ELAPOR2: variants seen among roughly 807,000 people sequenced by gnomAD.
ELAPOR2 encodes endosome/lysosome-associated apoptosis and autophagy regulator family member 2.
Under a neutral mutation model 120.7 loss-of-function variants are expected in ELAPOR2, and 89 were observed. The ratio of observed to expected loss-of-function variants is 0.74; its 90% CI spans 0.62 to 0.88. The LOEUF (loss-of-function observed/expected upper bound fraction) is 0.88. ELAPOR2 is among the 40% of genes least tolerant of loss of function. The pLI, the probability that ELAPOR2 is intolerant of heterozygous loss-of-function variation, is 0.00. For synonymous variants in ELAPOR2, 444 were observed against 444.9 expected, an observed-to-expected ratio of 1.00 and a Z score of 0.03; for missense variants, 1,134 against 1,251.6, an observed-to-expected ratio of 0.91 and a Z score of 1.42.
intron 21 of ELAPOR2, among the ~76,000 whole-genome samples, chr7:86,884,873 C>T (rs1799612525): frequency 1.3e-5 from 2 of 152,126 alleles, no homozygotes; most frequent in South Asian, 2.1e-4. Flanking sequence ...ATCTATCATG[C>T]AAATTTTAGA....
chr7:87,024,199 T>C (rs1255733490), intron 1 of ELAPOR2, among the ~76,000 whole-genome samples: 1 of 152,092 alleles, frequency 6.6e-6, no homozygotes, highest in Non-Finnish European at 1.5e-5. Context: ...TGGCTGTGAG[T>C]TTGTCGTAGA....
chr7:86,998,251 T>C (rs948896334), intron 1 of ELAPOR2, among the ~76,000 whole-genome samples: 2 of 152,190 alleles, frequency 1.3e-5, no homozygotes, highest in African/African-American at 4.8e-5. Flanking sequence ...CAAATTTATC[T>C]TATTATATTC....
intron 1 of ELAPOR2, among the ~76,000 whole-genome samples, chr7:87,034,519 A>G (rs1264008998): frequency 6.6e-6 from 1 of 152,090 alleles, no homozygotes; most frequent in Non-Finnish European, 1.5e-5. Flanking sequence ...CAAGTAAATG[A>G]TCTTAATATT....
At chr7:87,029,425 G>A (rs1794357245) in intron 1 of ELAPOR2, among the ~76,000 whole-genome samples, 2 of 152,188 alleles carry the variant, frequency 1.3e-5, no homozygotes, top group South Asian at 4.1e-4. Context: ...TTTGGTCTGT[G>A]ATTCTAACTT....
In ELAPOR2 at chr7:86,891,744, GT is replaced by G; in HGVS notation, c.3009del (p.Lys1003AsnfsTer19). On this transcript the variant is annotated frameshift_variant, in exon 21 of 22. Coordinates refer to ENST00000450689, the MANE Select transcript of ELAPOR2 (RefSeq NM_001142749.3). LOFTEE classifies it high-confidence loss of function. ...CTCACCTTGGTTGCCAAAGATTTGA[GT>G]TTTCCTAGTAGTGACTGTTTATTGG... ...VYSNKQSLLG[K>X]LKSLATKEKE... 6.2e-7 allele frequency: 1 copy of G among 1,606,822 alleles called. No homozygotes were observed. The highest frequency in any genetic ancestry group is 8.5e-7 in the Non-Finnish European group (1 of 1,176,744).
At chr7:86,944,572 A>G (rs1790926383) in intron 4 of ELAPOR2, among the ~76,000 whole-genome samples, 1 of 152,122 alleles carries the variant, frequency 6.6e-6, no homozygotes, top group South Asian at 2.1e-4. Flanking sequence ...GTAGCTACTA[A>G]AAGTAATGTA....
chr7:87,059,375 C>T lies in ELAPOR2; in HGVS notation c.139G>A (p.Ala47Thr). Residue 47 changes from alanine to threonine, a missense_variant, in exon 1 of 22, where the codon GCT (alanine) becomes ACT (threonine). By Grantham distance (58) the Ala-to-Thr change is moderately conservative. Transcript: ENST00000450689. ...CTGGAGGAGGAGGGCAGGTCCCCAGCCCAGGCCGCCTGGCAGCCGGCGAGC... is the reference window on the plus strand; with the variant it reads ...CTGGAGGAGGAGGGCAGGTCCCCAGTCCAGGCCGCCTGGCAGCCGGCGAGC... ...WALAGCQAAW[A>T]GDLPSSSSRP... 8.0e-7 allele frequency: 1 copy of T among 1,245,668 alleles called. No individual in the cohort carries two copies. The highest frequency in any genetic ancestry group is 3.2e-5 in the East Asian group (1 of 31,678). The allele number at this position is 1,245,668 out of a possible 1,614,324, so 77.2% of individuals were successfully genotyped here. A position where few individuals can be genotyped will look rare whatever the true frequency, so the allele number is the denominator to read the frequency against.
At chr7:87,023,385 C>G (rs1238714929) in intron 1 of ELAPOR2, among the ~76,000 whole-genome samples, 4 of 152,000 alleles carry the variant, frequency 2.6e-5, no homozygotes, top group African/African-American at 9.7e-5. Flanking sequence ...AGATATGCGG[C>G]ATTATTTCTG....
In ELAPOR2 at chr7:86,983,923, T is replaced by G. The variant is rs187014460; in HGVS notation, c.190-18899A>C. Among the ~76,000 whole-genome samples, 1,282 of 152,264 alleles carry G rather than the reference T, an allele frequency of 8.4e-3. 21 individuals are homozygous for G. The highest frequency in any genetic ancestry group is 0.03 in the African/African-American group (1,233 of 41,540). On this transcript the variant is annotated intron_variant, in intron 1 of 21. Coordinates refer to ENST00000450689, the MANE Select transcript of ELAPOR2 (RefSeq NM_001142749.3). ...GATAAAGAGTCAAGACCCATCAGTG[T>G]GCTGTATTCAGGAGACCCATCTCAT...
At chr7:87,000,037 C>T (rs1793259932) in intron 1 of ELAPOR2, among the ~76,000 whole-genome samples, 1 of 152,126 alleles carries the variant, frequency 6.6e-6, no homozygotes, top group South Asian at 2.1e-4. Context: ...ACAGAACACA[C>T]CTTACTGTCC....
intron 1 of ELAPOR2, among the ~76,000 whole-genome samples, chr7:87,000,829 T>C (rs1441701747): frequency 1.3e-5 from 2 of 152,146 alleles, no homozygotes; most frequent in African/African-American, 4.8e-5. Context: ...CCTGGAACAG[T>C]TGCACATTCT....
intron 1 of ELAPOR2, among the ~76,000 whole-genome samples, chr7:86,989,718 T>C (rs1437105720): frequency 6.6e-6 from 1 of 152,214 alleles, no homozygotes; most frequent in Non-Finnish European, 1.5e-5. Flanking sequence ...TTTATTGAGC[T>C]CTGTTCTTTA....
At chr7:86,983,879 G>T (rs973779110) in intron 1 of ELAPOR2, among the ~76,000 whole-genome samples, 2 of 152,152 alleles carry the variant, frequency 1.3e-5, no homozygotes, top group African/African-American at 4.8e-5. Context: ...CCAATTAAAA[G>T]ACACAGACTG....
At chr7:86,940,326 T>A (rs917607383) in intron 5 of ELAPOR2, among the ~76,000 whole-genome samples, 7 of 152,048 alleles carry the variant, frequency 4.6e-5, no homozygotes, top group African/African-American at 1.4e-4. Context: ...ACAAAATACA[T>A]TAAACAGAAA....
chr7:87,051,373 C>A (rs1795097986), intron 1 of ELAPOR2, among the ~76,000 whole-genome samples: 1 of 152,164 alleles, frequency 6.6e-6, no homozygotes, highest in African/African-American at 2.4e-5. Flanking sequence ...AGAAAAAGTA[C>A]TCCTATAAAA....
At chr7:87,054,249 T>C (rs187617626) in intron 1 of ELAPOR2, among the ~76,000 whole-genome samples, 4 of 152,348 alleles carry the variant, frequency 2.6e-5, no homozygotes, top group East Asian at 3.9e-4. Context: ...AAGACTCTGC[T>C]GGAGAAGACA....
At chr7:87,028,882 C>T (rs1794335118) in intron 1 of ELAPOR2, among the ~76,000 whole-genome samples, 1 of 152,146 alleles carries the variant, frequency 6.6e-6, no homozygotes. Flanking sequence ...TCACTCTGCT[C>T]AAGCCACAGG....
intron 1 of ELAPOR2, among the ~76,000 whole-genome samples, chr7:87,006,588 C>T (rs1461393789): frequency 6.6e-6 from 1 of 152,088 alleles, no homozygotes; most frequent in Non-Finnish European, 1.5e-5. Context: ...TGTGAAGCAA[C>T]TAGAACACTC....
chr7:87,030,842 C>T (rs1191471712), intron 1 of ELAPOR2, among the ~76,000 whole-genome samples: 1 of 152,140 alleles, frequency 6.6e-6, no homozygotes, highest in African/African-American at 2.4e-5. Context: ...TTGATGAAGA[C>T]ATACCCAAGA....
Sources: allele counts gnomAD v4.1 joint callset (sites outside exome capture counted in the v4.1 genomes callset), GRCh38; gene constraint gnomAD v4.1.1; transcripts MANE v1.5; gene names NCBI Gene and HGNC (gene_info 2026-07-23, HGNC 2026-07-21).